The following KLF8 variants were observed in gnomAD, a reference collection of about 807,000 sequenced individuals.
KLF8 encodes the protein KLF transcription factor 8.
In KLF8, 10 loss-of-function variants were observed where a neutral mutation model predicts 18.2. The ratio of observed to expected loss-of-function variants is 0.55; its 90% CI spans 0.34 to 0.93. The LOEUF is 0.93. KLF8 is among the 40% of genes least tolerant of loss of function. The probability of loss-of-function intolerance (pLI) is 0.02; values close to 1 mark genes in which losing one functional copy is unlikely to be tolerated. For synonymous variants in KLF8, 109 were observed against 97.3 expected (o/e 1.12, Z -0.71); for missense variants, 264 against 277.9 (o/e 0.95, Z 0.36).
At chrX:55,961,465 G>A in the KLF8 span, 2 of 547,289 alleles carry the variant, frequency 3.7e-6, no homozygotes, top group Non-Finnish European at 6.8e-6. Flanking sequence ...GGCCCAGATT[G>A]CCACAAAAAA....
At chrX:55,993,238 C>G in the KLF8 span, among the ~76,000 whole-genome samples, 2 of 111,136 alleles carry the variant, frequency 1.8e-5, no homozygotes, top group Non-Finnish European at 3.8e-5. Flanking sequence ...TGTGAGTTTT[C>G]CATAGATTGC....
At chrX:55,943,251 C>T in the KLF8 span, among the ~76,000 whole-genome samples, 1 of 110,149 alleles carries the variant, frequency 9.1e-6, no homozygotes, top group Non-Finnish European at 1.9e-5. Context: ...TATTAGATAT[C>T]CAAGTAGAAG....
the KLF8 span, among the ~76,000 whole-genome samples, chrX:56,006,096 G>A: frequency 8.9e-6 from 1 of 112,124 alleles, no homozygotes; most frequent in Non-Finnish European, 1.9e-5. Flanking sequence ...AAGTCTCCTA[G>A]AGGAATATAG....
chrX:55,914,506 G>A, the KLF8 span, among the ~76,000 whole-genome samples: 1 of 112,316 alleles, frequency 8.9e-6, no homozygotes, highest in Admixed American at 9.5e-5. Flanking sequence ...TTAGAGGAAA[G>A]TTGAGTCAAC....
the KLF8 span, among the ~76,000 whole-genome samples, chrX:56,155,734 G>T: frequency 9.0e-6 from 1 of 111,389 alleles, no homozygotes; most frequent in Non-Finnish European, 1.9e-5. Flanking sequence ...TCATGATGCT[G>T]AGGTTTGGAA....
chrX:56,198,572 C>A, the KLF8 span, among the ~76,000 whole-genome samples: 1 of 111,608 alleles, frequency 9.0e-6, no homozygotes, highest in African/African-American at 3.3e-5. Flanking sequence ...CAAACCAATG[C>A]TCAACGAAAT....
the KLF8 span, among the ~76,000 whole-genome samples, chrX:56,176,522 G>T: frequency 9.0e-6 from 1 of 111,305 alleles, no homozygotes; most frequent in African/African-American, 3.3e-5. Context: ...CTTTCTCTCT[G>T]GCTGCTCTTA....
At chrX:56,068,147 C>A in the KLF8 span, among the ~76,000 whole-genome samples, 1 of 112,238 alleles carries the variant, frequency 8.9e-6, no homozygotes, top group Non-Finnish European at 1.9e-5. Context: ...AGCCACACCA[C>A]TGATAGCCAG....
chrX:56,272,669 G>T (rs187242278), intron 5 of KLF8, among the ~76,000 whole-genome samples: 1 of 111,142 alleles, frequency 9.0e-6, no homozygotes, highest in Non-Finnish European at 1.9e-5. Context: ...AGGCTTAGTT[G>T]CTTTAGGAAA....
the KLF8 span, among the ~76,000 whole-genome samples, chrX:55,988,937 C>T: frequency 1.8e-5 from 2 of 111,242 alleles, no homozygotes; most frequent in African/African-American, 6.6e-5. Context: ...AAGTTGGATT[C>T]CTAGGTATTT....
At chrX:55,995,102 T>A in the KLF8 span, among the ~76,000 whole-genome samples, 8 of 112,304 alleles carry the variant, frequency 7.1e-5, no homozygotes, top group Non-Finnish European at 9.4e-5. Flanking sequence ...TGGGAGCATA[T>A]ATATTTAGGA....
the KLF8 span, among the ~76,000 whole-genome samples, chrX:56,163,487 G>T: frequency 8.9e-6 from 1 of 111,789 alleles, no homozygotes; most frequent in Non-Finnish European, 1.9e-5. Context: ...ATAGATATTG[G>T]ATATTAGACC....
the KLF8 span, among the ~76,000 whole-genome samples, chrX:56,093,289 G>A: frequency 3.3e-3 from 368 of 111,263 alleles, 1 homozygote; most frequent in African/African-American, 0.012. Flanking sequence ...AGAAAAATTT[G>A]AAAGAAACCA....
intron 4 of KLF8, 82 bp downstream of exon 4, chrX:56,269,571 G>T: frequency 9.5e-7 from 1 of 1,057,646 alleles, no homozygotes; most frequent in Non-Finnish European, 1.2e-6. Context: ...ATGTATAGGT[G>T]GAACTAATGA....
chrX:56,214,939 A>G, the KLF8 span, among the ~76,000 whole-genome samples: 1 of 112,211 alleles, frequency 8.9e-6, no homozygotes, highest in East Asian at 2.8e-4. Context: ...TATATTTGAC[A>G]CATAACAGGT....
chrX:56,112,616 C>T, the KLF8 span, among the ~76,000 whole-genome samples: 1 of 111,785 alleles, frequency 8.9e-6, no homozygotes, highest in African/African-American at 3.2e-5. Flanking sequence ...AGGTGTCCCA[C>T]ACAACCCTTA....
chrX:56,278,383 C>T (rs1212472927), intron 5 of KLF8, among the ~76,000 whole-genome samples: 3 of 110,769 alleles, frequency 2.7e-5, no homozygotes, highest in Non-Finnish European at 1.9e-5. Context: ...CCTGCCAGAA[C>T]TGGGTTCTTC....
At chrX:56,140,816 A>AG in the KLF8 span, among the ~76,000 whole-genome samples, 218 of 104,485 alleles carry the variant, frequency 2.1e-3, 1 homozygote, top group Middle Eastern at 0.016. Flanking sequence ...AAAAAAAAAA[A>AG]AAAGAAATGC....
At chrX:56,065,499 C>T in the KLF8 span, among the ~76,000 whole-genome samples, 1 of 109,812 alleles carries the variant, frequency 9.1e-6, no homozygotes, top group East Asian at 2.8e-4. Context: ...TTTCTTGTAT[C>T]TTTTTGAGAT....
Sources: allele counts gnomAD v4.1 joint callset (sites outside exome capture counted in the v4.1 genomes callset), GRCh38; gene constraint gnomAD v4.1.1; transcripts MANE v1.5; gene names NCBI Gene and HGNC (gene_info 2026-07-23, HGNC 2026-07-21).